The following PDS5B variants were observed in gnomAD, a reference collection of about 807,000 sequenced individuals.
PDS5B encodes sister chromatid cohesion protein PDS5 homolog B.
In PDS5B, 51 loss-of-function variants were observed where a neutral mutation model predicts 184.1. The observed-to-expected ratio is 0.28, with a 90% CI of 0.22 to 0.35. The LOEUF is 0.35. Among genes scored for constraint, PDS5B ranks in the 10% least tolerant of loss-of-function variants. The pLI is 1.00. For synonymous variants in PDS5B, 566 were observed against 569.2 expected, an observed-to-expected ratio of 0.99 and a Z score of 0.08; for missense variants, 1,180 against 1,723.3, an observed-to-expected ratio of 0.68 and a Z score of 5.58.
intron 1 of PDS5B, among the ~76,000 whole-genome samples, chr13:32,620,821 G>A (rs959468270): frequency 2.6e-5 from 4 of 152,106 alleles, no homozygotes; most frequent in Admixed American, 1.3e-4. Context: ...TTAACAAATG[G>A]GTACTGATTT....
At position 32,758,260 on chromosome 13, in the gene PDS5B, T is replaced by G. The variant is rs768606552; in HGVS notation, c.3189+41T>G. On this transcript the variant is annotated intron_variant, in intron 27 of 34. Transcript: ENST00000315596. The stretch of plus-strand genomic sequence containing the variant: ...TAAATAATTATGGTTCCATATTGAT[T>G]TAAAAATTTAGGTGTAAAGTATGAA... 23 of 1,414,702 alleles carry G rather than the reference T, an allele frequency of 1.6e-5. No individual in the cohort carries two copies. In the East Asian group the frequency reaches 5.4e-4, roughly 33 times the overall value. The allele number at this position is 1,414,702 out of a possible 1,614,324, so 87.6% of individuals were successfully genotyped here.
rs142309948 is a variant in PDS5B, at chr13:32,588,104, C to A, written c.-20+1511C>A. Among the ~76,000 whole-genome samples the A allele has an allele frequency of 4.5e-3, 679 of 152,306 alleles. 6 individuals carry two copies. The highest frequency in any genetic ancestry group is 0.016 in the African/African-American group (658 of 41,568). On this transcript the variant is annotated intron_variant, in intron 1 of 34. Transcript: ENST00000315596. ...AGTAATTAAAAGCCACAAATATGGA[C>A]TTGAAAGACAGCTCTTCATGCAGTA... is the stretch of plus-strand genomic sequence containing the variant.
At chr13:32,639,081 C>G (rs940398113) in intron 1 of PDS5B, among the ~76,000 whole-genome samples, 1 of 131,298 alleles carries the variant, frequency 7.6e-6, no homozygotes, top group Non-Finnish European at 1.5e-5. Flanking sequence ...GACTACTGAG[C>G]AGAGAAATAC....
intron 1 of PDS5B, among the ~76,000 whole-genome samples, chr13:32,598,757 GT>G (rs917380493): frequency 2.8e-5 from 4 of 142,330 alleles, no homozygotes; most frequent in African/African-American, 7.7e-5. Context: ...TCAGTTGATG[GT>G]TTTTTTTCTC....
At chr13:32,619,835 G>T (rs1336904746) in intron 1 of PDS5B, among the ~76,000 whole-genome samples, 1 of 152,110 alleles carries the variant, frequency 6.6e-6, no homozygotes, top group Non-Finnish European at 1.5e-5. Context: ...TTTTGCTCTT[G>T]TCCTCTAGGC....
At chr13:32,699,252 G>A (rs372240458) in intron 15 of PDS5B, among the ~76,000 whole-genome samples, 1 of 152,182 alleles carries the variant, frequency 6.6e-6, no homozygotes, top group Non-Finnish European at 1.5e-5. Context: ...ACCTGGATAG[G>A]TTGCTCAGTA....
chr13:32,615,048 A>G (rs2058197914), intron 1 of PDS5B, among the ~76,000 whole-genome samples: 1 of 152,212 alleles, frequency 6.6e-6, no homozygotes, highest in Admixed American at 6.5e-5. Context: ...CATTCAGATC[A>G]AGAGACAACA....
intron 1 of PDS5B, among the ~76,000 whole-genome samples, chr13:32,643,676 A>G (rs370808496): frequency 2.0e-5 from 3 of 152,248 alleles, no homozygotes; most frequent in African/African-American, 7.2e-5. Flanking sequence ...ACGGTTGTGT[A>G]CAGTATTCAG....
At chr13:32,689,815 T>C (rs1208024637) in intron 13 of PDS5B, 1 of 152,166 alleles carries the variant, frequency 6.6e-6, no homozygotes, top group African/African-American at 2.4e-5. Context: ...GCCTAATTGG[T>C]GGCTCTTTTT....
chr13:32,650,353 C>T (rs1438482971), intron 2 of PDS5B: 1 of 151,992 alleles, frequency 6.6e-6, no homozygotes, highest in Admixed American at 6.6e-5. Context: ...ATTTATAGTT[C>T]CATTTTTAGC....
chr13:32,646,561 G>A (rs1252905680), intron 1 of PDS5B, among the ~76,000 whole-genome samples: 2 of 150,746 alleles, frequency 1.3e-5, no homozygotes, highest in African/African-American at 4.9e-5. Context: ...GTGAATCTGG[G>A]GCCTATTTAT....
chr13:32,598,287 C>T (rs1002078785), intron 1 of PDS5B, among the ~76,000 whole-genome samples: 1 of 151,970 alleles, frequency 6.6e-6, no homozygotes, highest in Admixed American at 6.6e-5. Flanking sequence ...GTTGGCCAGG[C>T]TGGTCTCGAA....
chr13:32,587,976 T>C (rs2057716735), intron 1 of PDS5B, among the ~76,000 whole-genome samples: 3 of 152,208 alleles, frequency 2.0e-5, no homozygotes, highest in Admixed American at 2.0e-4. Flanking sequence ...TAAATCGTAA[T>C]TACCCAATGC....
At chr13:32,623,089 G>A (rs537431955) in intron 1 of PDS5B, among the ~76,000 whole-genome samples, 3 of 152,274 alleles carry the variant, frequency 2.0e-5, no homozygotes, top group South Asian at 2.1e-4. Context: ...AACTGTTTTC[G>A]TGTGCTGAAT....
At position 32,755,974 on chromosome 13, in the gene PDS5B, C is replaced by A; in HGVS notation, c.3056+18C>A. 8.6e-7 allele frequency: 1 copy of A among 1,166,714 alleles called. No individual in the cohort carries two copies. The highest frequency in any genetic ancestry group is 1.3e-6 in the Non-Finnish European group (1 of 795,814). The allele number at this position is 1,166,714 out of a possible 1,614,324, so 72.3% of individuals were successfully genotyped here. On this transcript the variant is annotated intron_variant, in intron 26 of 34. Coordinates refer to ENST00000315596, the MANE Select transcript of PDS5B (RefSeq NM_015032.4). ...GTTAAAGAGTAAGACTTTTTCCATC[C>A]CATTTTCATATTTTCTGAAAGTTAT...
intron 1 of PDS5B, among the ~76,000 whole-genome samples, chr13:32,624,649 A>G (rs1010183608): frequency 6.6e-6 from 1 of 152,186 alleles, no homozygotes; most frequent in African/African-American, 2.4e-5. Flanking sequence ...GTCCTTGGGA[A>G]GGACTCATGT....
rs115893323 is a variant in PDS5B, at chr13:32,711,403, G to C, written c.2123+1297G>C. 6.3e-3 allele frequency among the ~76,000 whole-genome samples: 957 copies of C among 151,692 alleles called. 6 individuals are homozygous for C. The highest frequency in any genetic ancestry group is 0.022 in the African/African-American group (921 of 41,336). On this transcript the variant is annotated intron_variant, in intron 19 of 34. Transcript: ENST00000315596. ...CTTGAAGTCTTACTCTGTCACCCAG[G>C]TTAGAGTGCTGTGGCGCAATCTTGG...
At chr13:32,635,170 GTTTTTTTTTTTT>G (rs71071054) in intron 1 of PDS5B, among the ~76,000 whole-genome samples, 6 of 81,120 alleles carry the variant, frequency 7.4e-5, no homozygotes, top group South Asian at 4.1e-4. Flanking sequence ...AGCCAATTAC[GTTTTTTTTTTTT>G]TTTTTTTTTT....
At position 32,763,724 on chromosome 13, in the gene PDS5B, GT is replaced by G. The variant is rs1349311982; in HGVS notation, c.3519-762del. Among the ~76,000 whole-genome samples the G allele has an allele frequency of 6.6e-5, 10 of 152,268 alleles. No individual in the cohort carries two copies. In the East Asian group the frequency reaches 1.9e-3, roughly 29 times the overall value. On this transcript the variant is annotated intron_variant, in intron 30 of 34. Coordinates refer to ENST00000315596, the MANE Select transcript of PDS5B (RefSeq NM_015032.4). ...GAAGCCTTGAGGAAGAACAGGCTCT[GT>G]TTGTATGTATGTGTTTTGGGGAAGT...
Sources: gnomAD v4.1 joint callset for allele counts (sites outside exome capture counted in the v4.1 genomes callset) on GRCh38, gnomAD v4.1.1 for gene constraint, MANE v1.5 for transcripts, NCBI Gene and HGNC (gene_info 2026-07-23, HGNC 2026-07-21) for gene names.